The following DTD1 variants were observed in gnomAD, a reference collection of about 807,000 sequenced individuals.
DTD1 encodes D-aminoacyl-tRNA deacylase 1, also known as D-tyrosyl-tRNA deacylase 1 homolog.
DTD1 carries 13 observed loss-of-function variants against 25.6 expected under a neutral mutation model. The observed-to-expected ratio is 0.51, with a 90% CI of 0.33 to 0.81. DTD1 has a LOEUF of 0.81. DTD1 is among the 30% of genes least tolerant of loss of function. The pLI, the probability that DTD1 is intolerant of heterozygous loss-of-function variation, is 0.02. For synonymous variants in DTD1, 110 were observed against 103.6 expected (o/e 1.06, Z -0.37); for missense variants, 193 against 266.4 (o/e 0.72, Z 1.92).
chr20:18,659,047 A>G (rs1379958438), intron 4 of DTD1, among the ~76,000 whole-genome samples: 1 of 152,126 alleles, frequency 6.6e-6, no homozygotes, highest in Non-Finnish European at 1.5e-5. Flanking sequence ...CTGTAGTTCT[A>G]AGATATCTAA....
chr20:18,619,284 A>G (rs751842043), intron 3 of DTD1, among the ~76,000 whole-genome samples: 4 of 152,150 alleles, frequency 2.6e-5, no homozygotes, highest in Non-Finnish European at 5.9e-5. Flanking sequence ...CTGGGTAGAC[A>G]ATTTTGATCC....
At chr20:18,722,845 G>T (rs1047650215) in intron 4 of DTD1, among the ~76,000 whole-genome samples, 1 of 152,116 alleles carries the variant, frequency 6.6e-6, no homozygotes, top group Non-Finnish European at 1.5e-5. Context: ...TTTGGAGCAT[G>T]CCCCAAATTT....
chr20:18,679,052 A>G (rs534468462), intron 4 of DTD1: 2 of 152,348 alleles, frequency 1.3e-5, no homozygotes, highest in South Asian at 4.1e-4. Flanking sequence ...ACATTTCTAT[A>G]GTATTCAGAG....
chr20:18,680,888 A>T (rs768819615), intron 4 of DTD1, among the ~76,000 whole-genome samples: 3 of 152,196 alleles, frequency 2.0e-5, no homozygotes, highest in Admixed American at 6.5e-5. Flanking sequence ...TATCTGTATC[A>T]CAAGGACAAT....
intron 4 of DTD1, among the ~76,000 whole-genome samples, chr20:18,671,364 A>T (rs1458963125): frequency 1.3e-5 from 2 of 152,176 alleles, no homozygotes; most frequent in Non-Finnish European, 2.9e-5. Context: ...GAATGAATAT[A>T]ACTCCCTAGT....
At chr20:18,751,855 TTG>T (rs2061322739) in intron 5 of DTD1, among the ~76,000 whole-genome samples, 2 of 99,982 alleles carry the variant, frequency 2.0e-5, no homozygotes, top group African/African-American at 2.9e-5. Flanking sequence ...TTTTTTTTTG[TTG>T]TTGTTGTTGT....
intron 5 of DTD1, among the ~76,000 whole-genome samples, chr20:18,761,026 C>G (rs2061360057): frequency 6.6e-6 from 1 of 152,182 alleles, no homozygotes; most frequent in African/African-American, 2.4e-5. Flanking sequence ...GCGTAGGACC[C>G]TCAGAGCCAT....
chr20:18,598,297 A>G (rs1012624128), intron 3 of DTD1, among the ~76,000 whole-genome samples: 1 of 152,144 alleles, frequency 6.6e-6, no homozygotes. Context: ...GTCCCTGCAA[A>G]GGACGTGAAC....
chr20:18,598,181 A>G (rs1247510029), intron 3 of DTD1, among the ~76,000 whole-genome samples: 1 of 149,532 alleles, frequency 6.7e-6, no homozygotes, highest in Non-Finnish European at 1.5e-5. Context: ...CGGTGTGTCC[A>G]TGTGTTCTCC....
At chr20:18,761,986 G>A (rs1297099652) in intron 5 of DTD1, among the ~76,000 whole-genome samples, 1 of 152,216 alleles carries the variant, frequency 6.6e-6, no homozygotes, top group African/African-American at 2.4e-5. Flanking sequence ...AGGTGGGTTT[G>A]GGTGTACGAG....
chr20:18,710,492 A>T (rs2061154387), intron 4 of DTD1, among the ~76,000 whole-genome samples: 1 of 152,186 alleles, frequency 6.6e-6, no homozygotes, highest in Non-Finnish European at 1.5e-5. Flanking sequence ...CTCTCATTCA[A>T]ATCTTTAATC....
At chr20:18,656,331 G>T (rs1256715062) in intron 4 of DTD1, among the ~76,000 whole-genome samples, 2 of 152,146 alleles carry the variant, frequency 1.3e-5, no homozygotes, top group East Asian at 3.8e-4. Context: ...AATGCTAGTT[G>T]TCACAGCACA....
chr20:18,653,472 A>G (rs185566311), intron 4 of DTD1, among the ~76,000 whole-genome samples: 1 of 152,362 alleles, frequency 6.6e-6, no homozygotes, highest in African/African-American at 2.4e-5. Flanking sequence ...TGTGAAAGTA[A>G]TATGTTGATT....
intron 5 of DTD1, among the ~76,000 whole-genome samples, chr20:18,745,221 C>CTAAAA (rs1226144290): frequency 6.6e-6 from 1 of 152,220 alleles, no homozygotes; most frequent in Non-Finnish European, 1.5e-5. Context: ...TTTACTTTTC[C>CTAAAA]TAAAATGGCA....
At chr20:18,658,808 C>A (rs2060899253) in intron 4 of DTD1, among the ~76,000 whole-genome samples, 1 of 152,216 alleles carries the variant, frequency 6.6e-6, no homozygotes, top group Non-Finnish European at 1.5e-5. Context: ...GTACAAGCAG[C>A]CTTACCCACT....
intron 5 of DTD1, among the ~76,000 whole-genome samples, chr20:18,752,056 C>T (rs2061323295): frequency 6.6e-6 from 1 of 152,004 alleles, no homozygotes; most frequent in Non-Finnish European, 1.5e-5. Flanking sequence ...AATTCTCATT[C>T]TTATTGCTCT....
At chr20:18,612,422 A>G (rs6035089) in intron 3 of DTD1, among the ~76,000 whole-genome samples, 73,150 of 151,850 alleles carry the variant, frequency 0.48, 18,049 homozygotes, top group Middle Eastern at 0.54. Context: ...TGCAAAGCAA[A>G]CACTCTTTCA....
chr20:18,592,903 G>T (rs1200773078), intron 1 of DTD1, among the ~76,000 whole-genome samples: 1 of 151,688 alleles, frequency 6.6e-6, no homozygotes, highest in African/African-American at 2.4e-5. Flanking sequence ...AGCTGGTCTC[G>T]AACTCCTGAC....
At chr20:18,600,885 C>T (rs1489571671) in intron 3 of DTD1, among the ~76,000 whole-genome samples, 2 of 152,124 alleles carry the variant, frequency 1.3e-5, no homozygotes, top group Non-Finnish European at 2.9e-5. Context: ...TTTTTAATCT[C>T]AAATTCCACT....
Sources: gnomAD v4.1 joint callset for allele counts (sites outside exome capture counted in the v4.1 genomes callset) on GRCh38, gnomAD v4.1.1 for gene constraint, MANE v1.5 for transcripts, NCBI Gene and HGNC (gene_info 2026-07-23, HGNC 2026-07-21) for gene names.